Variants in KCNH1 observed in about 807,000 individuals in gnomAD.
KCNH1 encodes potassium voltage-gated channel subfamily H member 1.
Under a neutral mutation model 69.2 loss-of-function variants are expected in KCNH1, and 27 were observed. That is an observed-to-expected ratio of 0.39 (90% CI 0.29 to 0.54). The LOEUF (loss-of-function observed/expected upper bound fraction) is 0.54, where lower values mean the gene tolerates loss of function less well. Ranked by LOEUF, KCNH1 falls within the 20% of genes least tolerant of loss-of-function variation. The pLI, the probability that KCNH1 is intolerant of heterozygous loss-of-function variation, is 0.68. For synonymous variants in KCNH1, 456 were observed against 487.7 expected, an observed-to-expected ratio of 0.93 and a Z score of 0.86; for missense variants, 798 against 1,261.6, an observed-to-expected ratio of 0.63 and a Z score of 5.57.
chr1:210,945,488 G>A (rs1470361951), intron 6 of KCNH1, among the ~76,000 whole-genome samples: 2 of 152,228 alleles, frequency 1.3e-5, no homozygotes, highest in African/African-American at 2.4e-5. Context: ...CAAGCCACCT[G>A]GTTCAGGATG....
chr1:210,843,432 G>A (rs1685468065), intron 7 of KCNH1, among the ~76,000 whole-genome samples: 1 of 152,184 alleles, frequency 6.6e-6, no homozygotes, highest in Non-Finnish European at 1.5e-5. Flanking sequence ...TTTGACAAAT[G>A]TTTGCACTCT....
At chr1:210,809,878 G>T (rs138110514) in intron 7 of KCNH1, among the ~76,000 whole-genome samples, 1,624 of 152,192 alleles carry the variant, frequency 0.011, 13 homozygotes, top group South Asian at 0.024. Context: ...TCCTATTATG[G>T]CCAGGAACTC....
intron 6 of KCNH1, among the ~76,000 whole-genome samples, chr1:211,006,280 T>C (rs942223488): frequency 1.3e-5 from 2 of 152,182 alleles, no homozygotes; most frequent in African/African-American, 2.4e-5. Context: ...ATGAATAATA[T>C]TCATTTAAAA....
intron 6 of KCNH1, among the ~76,000 whole-genome samples, chr1:210,985,976 G>C (rs1438079525): frequency 1.3e-5 from 2 of 152,120 alleles, no homozygotes; most frequent in African/African-American, 4.8e-5. Flanking sequence ...CCTGTATTGG[G>C]TGCATATATA....
chr1:211,009,605 CT>C (rs60367224), intron 6 of KCNH1, among the ~76,000 whole-genome samples: 96,094 of 148,282 alleles, frequency 0.65, 31,967 homozygotes, highest in African/African-American at 0.81. Context: ...ATTTTCTTTT[CT>C]TTTTTTTTTT....
chr1:210,786,717 A>T (rs1684111696), intron 9 of KCNH1, among the ~76,000 whole-genome samples: 1 of 152,090 alleles, frequency 6.6e-6, no homozygotes, highest in Non-Finnish European at 1.5e-5. Context: ...AAACCCACAG[A>T]TCTAAAAATG....
intron 7 of KCNH1, among the ~76,000 whole-genome samples, chr1:210,903,235 C>G (rs1383955929): frequency 2.6e-5 from 4 of 152,206 alleles, no homozygotes; most frequent in Admixed American, 2.0e-4. Context: ...ACTACAACCA[C>G]AGAATTTCTC....
chr1:210,916,485 G>C (rs915597333), intron 7 of KCNH1, among the ~76,000 whole-genome samples: 1 of 152,180 alleles, frequency 6.6e-6, no homozygotes, highest in Non-Finnish European at 1.5e-5. Flanking sequence ...AGAAACTGCT[G>C]GCTTGCTGAA....
intron 10 of KCNH1, among the ~76,000 whole-genome samples, chr1:210,731,289 C>T (rs1275537096): frequency 6.6e-6 from 1 of 152,140 alleles, no homozygotes; most frequent in Non-Finnish European, 1.5e-5. Context: ...TTAAAAAATG[C>T]TAGGTCTTAA....
At position 210,933,837 on chromosome 1, in the gene KCNH1, C is replaced by T. The variant is rs117334661; in HGVS notation, c.1033-13768G>A. On this transcript the variant is annotated intron_variant, in intron 6 of 10. Transcript: ENST00000271751. ...AGCATAGTACTGGCATTAAGACAGA[C>T]ACATAGACCAATGGATAGAATAAAG... Among the ~76,000 whole-genome samples, 163 of 152,174 alleles carry T rather than the reference C, an allele frequency of 1.1e-3. 1 individual carries two copies. In the East Asian group the frequency reaches 0.015, roughly 14 times the overall value.
intron 9 of KCNH1, among the ~76,000 whole-genome samples, chr1:210,794,029 A>G (rs1456449154): frequency 6.6e-6 from 1 of 152,168 alleles, no homozygotes; most frequent in African/African-American, 2.4e-5. Flanking sequence ...ATTGTACTGA[A>G]GGGCATCAAC....
chr1:210,933,210 G>A (rs1039190100), intron 6 of KCNH1, among the ~76,000 whole-genome samples: 2 of 152,182 alleles, frequency 1.3e-5, no homozygotes, highest in African/African-American at 2.4e-5. Flanking sequence ...CATGTCCTTT[G>A]TAGGGACATG....
intron 7 of KCNH1, among the ~76,000 whole-genome samples, chr1:210,834,026 C>G (rs1685226038): frequency 6.6e-6 from 1 of 152,190 alleles, no homozygotes; most frequent in African/African-American, 2.4e-5. Flanking sequence ...ATTAAAAAGT[C>G]AGGAAACAAC....
At chr1:210,860,836 T>C (rs1210013432) in intron 7 of KCNH1, 3 of 913,612 alleles carry the variant, frequency 3.3e-6, no homozygotes, top group Non-Finnish European at 5.5e-6. Context: ...TTCACAAAAA[T>C]AGTGAAGTAC....
At chr1:211,023,135 TAAATAAATAAATAAATA>T (rs1689618196) in intron 5 of KCNH1, among the ~76,000 whole-genome samples, 5 of 143,178 alleles carry the variant, frequency 3.5e-5, no homozygotes, top group African/African-American at 1.3e-4. Context: ...AATAAATAAA[TAAATAAATAAATAAATA>T]AATAAATAAA....
At chr1:210,744,952 CAGCACT>C (rs1386647650) in intron 10 of KCNH1, among the ~76,000 whole-genome samples, 1 of 151,494 alleles carries the variant, frequency 6.6e-6, no homozygotes, top group Non-Finnish European at 1.5e-5. Context: ...CCTGTAATCC[CAGCACT>C]TTGGGAGGCC....
chr1:210,861,499 G>C, intron 7 of KCNH1: 1 of 774,196 alleles, frequency 1.3e-6, no homozygotes, highest in South Asian at 1.3e-5. Context: ...CCCACTTCTT[G>C]CATTTCCATT....
rs138858751 is a variant in KCNH1 at position 210,910,626 on chromosome 1, T to C, written c.1462+9014A>G. Among the ~76,000 whole-genome samples, 272 of 152,368 alleles carry C rather than the reference T, an allele frequency of 1.8e-3. 2 individuals carry two copies. In the Middle Eastern group the frequency reaches 0.02, roughly 11 times the overall value. On this transcript the variant is annotated intron_variant, in intron 7 of 10. Coordinates refer to ENST00000271751, the MANE Select transcript of KCNH1 (RefSeq NM_172362.3). ...AGATTGGGGGTCAGAGATCTGGGTT[T>C]GCATTCTGCCTTCACCATTCACAAG...
Position 210,822,190 on chromosome 1 carries a change from T to C in KCNH1, c.1463-18024A>G, listed in dbSNP as rs138860247. On this transcript the variant is annotated intron_variant, in intron 7 of 10. Coordinates refer to ENST00000271751, the MANE Select transcript of KCNH1 (RefSeq NM_172362.3). ...GTGATGGGGCTGGGCAGGGCATGCATTGGGCCCAGAGAAAAATTTTGAAAG... is the reference window on the plus strand; with the variant it reads ...GTGATGGGGCTGGGCAGGGCATGCACTGGGCCCAGAGAAAAATTTTGAAAG... 5.9e-5 allele frequency among the ~76,000 whole-genome samples: 9 copies of C among 151,928 alleles called. No homozygotes were observed. In the East Asian group the frequency reaches 1.6e-3, roughly 26 times the overall value.
Sources: allele counts gnomAD v4.1 joint callset (sites outside exome capture counted in the v4.1 genomes callset), GRCh38; gene constraint gnomAD v4.1.1; transcripts MANE v1.5; gene names NCBI Gene and HGNC (gene_info 2026-07-23, HGNC 2026-07-21).